PTPRN2: variants seen among roughly 807,000 people sequenced by gnomAD.
PTPRN2 encodes protein tyrosine phosphatase receptor type N2, also known as receptor-type tyrosine-protein phosphatase N2.
In PTPRN2, 74 loss-of-function variants were observed where a neutral mutation model predicts 118.8. The observed-to-expected ratio is 0.62, with a 90% CI of 0.52 to 0.76. The LOEUF (loss-of-function observed/expected upper bound fraction) is 0.76, where lower values mean the gene tolerates loss of function less well. PTPRN2 is among the 30% of genes least tolerant of loss of function. PTPRN2 has a pLI of 0.00. For missense variants in PTPRN2, 1,481 were observed against 1,394.4 expected (o/e 1.06, Z -0.99); for synonymous variants, 641 against 608.0 (o/e 1.05, Z -0.80).
intron 14 of PTPRN2, among the ~76,000 whole-genome samples, chr7:157,636,370 T>TAAA (rs774539772): frequency 5.3e-5 from 8 of 152,222 alleles, no homozygotes; most frequent in Non-Finnish European, 1.0e-4. Context: ...ATATCCTTTG[T>TAAA]GTGTTTCTCT....
Position 157,964,481 on chromosome 7 carries a change from AG to A in PTPRN2, c.1724-65745del, listed in dbSNP as rs1381192608. On this transcript the variant is annotated intron_variant, in intron 11 of 22. Transcript: ENST00000389418. This position sits in a 1 kb window ranked among gnomAD's most constrained non-coding sequence, Gnocchi z 9.0. ...GAATGAGTCAAGACAGTTAAACTTG[AG>A]GGTGATTTGGGAATGAGGGGAATTC... Among the ~76,000 whole-genome samples, 2 of 152,084 alleles carry A rather than the reference AG, an allele frequency of 1.3e-5. No homozygotes were observed. The highest frequency in any genetic ancestry group is 2.9e-5 in the Non-Finnish European group (2 of 68,006).
Position 157,662,941 on chromosome 7 carries a change from C to T in PTPRN2, c.2002-6390G>A, listed in dbSNP as rs960204799. On this transcript the variant is annotated intron_variant, in intron 13 of 22. Transcript: ENST00000389418. ...CCCACCTAACCTCACGGCTCAGCCA[C>T]GTTCACGCAGCACGGTTCAGTCAGA... Among the ~76,000 whole-genome samples the T allele has an allele frequency of 1.1e-4, 17 of 152,266 alleles. No individual in the cohort carries two copies. In the East Asian group the frequency reaches 2.3e-3, roughly 21 times the overall value.
intron 11 of PTPRN2, among the ~76,000 whole-genome samples, chr7:157,997,144 G>T (rs1023360974): frequency 2.0e-5 from 3 of 152,230 alleles, no homozygotes; most frequent in Non-Finnish European, 4.4e-5. Flanking sequence ...ATCTGATGGG[G>T]CCTGGGTCAT....
Position 158,562,754 on chromosome 7 carries a change from G to A in PTPRN2, c.112+24804C>T, listed in dbSNP as rs111720982. On this transcript the variant is annotated intron_variant, in intron 1 of 22. Transcript: ENST00000389418. ...GTGAAGGCAAAGCTCTTGGAAGACC[G>A]CTGGCCTGAATCATACGTGAAGCCT... Among the ~76,000 whole-genome samples the A allele has an allele frequency of 8.0e-3, 1,211 of 152,268 alleles. 13 individuals carry two copies. The highest frequency in any genetic ancestry group is 0.027 in the African/African-American group (1,120 of 41,532).
intron 2 of PTPRN2, among the ~76,000 whole-genome samples, chr7:158,348,726 G>A (rs950294356): frequency 3.3e-5 from 5 of 152,178 alleles, no homozygotes; most frequent in East Asian, 1.9e-4. Flanking sequence ...CAAAGAGACC[G>A]TCACTGTGTC....
intron 15 of PTPRN2, among the ~76,000 whole-genome samples, chr7:157,613,577 C>A (rs1018975109): frequency 2.4e-4 from 36 of 152,208 alleles, no homozygotes; most frequent in African/African-American, 8.7e-4. Flanking sequence ...AGCCGCAGGG[C>A]GAGCCCGGCT....
intron 2 of PTPRN2, among the ~76,000 whole-genome samples, chr7:158,429,287 G>A (rs567031171): frequency 7.9e-5 from 12 of 152,318 alleles, no homozygotes; most frequent in African/African-American, 2.4e-4. Context: ...GGAAGAACAC[G>A]TTCCAGCAGA....
intron 6 of PTPRN2, 125 bp from the exon 7 acceptor site, chr7:158,138,640 C>G: frequency 1.3e-6 from 1 of 783,038 alleles, no homozygotes; most frequent in Non-Finnish European, 2.1e-6. Flanking sequence ...TAGGGCCAGG[C>G]GCAGGCCAGT....
intron 13 of PTPRN2, among the ~76,000 whole-genome samples, chr7:157,677,514 A>C (rs958933017): frequency 6.6e-6 from 1 of 152,158 alleles, no homozygotes; most frequent in Non-Finnish European, 1.5e-5. Context: ...CAGGATGTAC[A>C]CTGCTTTTGG....
chr7:158,462,908 T>G (rs1819108847), intron 2 of PTPRN2, among the ~76,000 whole-genome samples: 1 of 152,254 alleles, frequency 6.6e-6, no homozygotes, highest in Non-Finnish European at 1.5e-5. Context: ...TTATTTCAAA[T>G]AGCAGTGCAA....
intron 16 of PTPRN2, among the ~76,000 whole-genome samples, chr7:157,597,248 A>G (rs1801396036): frequency 6.6e-6 from 1 of 152,178 alleles, no homozygotes; most frequent in African/African-American, 2.4e-5. Flanking sequence ...TTAAAACTGG[A>G]CCTCGTTTTG....
At chr7:157,743,120 G>A (rs1273858718) in intron 12 of PTPRN2, among the ~76,000 whole-genome samples, 1 of 152,222 alleles carries the variant, frequency 6.6e-6, no homozygotes, top group Non-Finnish European at 1.5e-5. Context: ...CACTCACTGA[G>A]CCTGGGCAGC....
intron 2 of PTPRN2, among the ~76,000 whole-genome samples, chr7:158,333,875 A>G (rs1805021636): frequency 6.9e-6 from 1 of 144,654 alleles, no homozygotes; most frequent in African/African-American, 2.6e-5. Flanking sequence ...ACTCACACCC[A>G]CACTCTCACC....
At chr7:157,917,394 G>A (rs1190361082) in intron 11 of PTPRN2, among the ~76,000 whole-genome samples, 1 of 152,316 alleles carries the variant, frequency 6.6e-6, no homozygotes, top group East Asian at 1.9e-4. Flanking sequence ...TCCAAGAAAG[G>A]TTCTTCAGCC....
intron 21 of PTPRN2, among the ~76,000 whole-genome samples, chr7:157,554,930 G>T (rs1798803619): frequency 6.7e-6 from 1 of 148,966 alleles, no homozygotes; most frequent in Admixed American, 6.6e-5. Flanking sequence ...CTACAGGGAA[G>T]TGACGCAGGC....
chr7:158,091,496 G>A (rs1279861432), intron 10 of PTPRN2, among the ~76,000 whole-genome samples: 2 of 152,238 alleles, frequency 1.3e-5, no homozygotes, highest in African/African-American at 2.4e-5. Flanking sequence ...CATGCTCTCT[G>A]CTGGCTTGAC....
chr7:158,095,566 CAG>C (rs1814565632), intron 10 of PTPRN2, among the ~76,000 whole-genome samples: 1 of 152,084 alleles, frequency 6.6e-6, no homozygotes, highest in African/African-American at 2.4e-5. Context: ...TTGAGAAAAA[CAG>C]AGTCAAACCC....
At chr7:157,718,773 C>A (rs1295438943) in intron 12 of PTPRN2, among the ~76,000 whole-genome samples, 1 of 152,106 alleles carries the variant, frequency 6.6e-6, no homozygotes. Context: ...TGAGTCTCAG[C>A]ACGTCCAGGC....
rs910034193 is a variant in PTPRN2 at position 157,944,245 on chromosome 7, C to T, written c.1724-45508G>A. On this transcript the variant is annotated intron_variant, in intron 11 of 22. Transcript: ENST00000389418. This position sits in a 1 kb window ranked among gnomAD's most constrained non-coding sequence, Gnocchi z 4.3. ...CATTTGACAAAGATTGAGCATGGTT[C>T]GTCGCGAACGCCAGCCTGCCCCCAC... Among the ~76,000 whole-genome samples the T allele has an allele frequency of 7.2e-5, 11 of 152,082 alleles. No homozygotes were observed. Among genetic ancestry groups the T allele is most frequent in the South Asian group, 2.1e-4 (1 of 4,826 alleles).
Sources: gnomAD v4.1 joint callset for allele counts (sites outside exome capture counted in the v4.1 genomes callset) on GRCh38, gnomAD v4.1.1 for gene constraint, Gnocchi (gnomAD v3.1) non-coding constraint, MANE v1.5 for transcripts, NCBI Gene and HGNC (gene_info 2026-07-23, HGNC 2026-07-21) for gene names.